Variants in COL23A1 observed in about 807,000 individuals in gnomAD.
The protein encoded by COL23A1 is collagen type XXIII alpha 1 chain.
A neutral mutation model predicts 99.3 loss-of-function variants in COL23A1; 97 were observed. That is an observed-to-expected ratio of 0.98 (90% confidence interval 0.83 to 1.16). COL23A1 has a LOEUF of 1.16. COL23A1 is among the 50% of genes most tolerant of loss of function. The pLI, the probability that COL23A1 is intolerant of heterozygous loss-of-function variation, is 0.00. For missense variants in COL23A1, 762 were observed against 757.4 expected, an observed-to-expected ratio of 1.01 and a Z score of -0.07; for synonymous variants, 320 against 308.2, an observed-to-expected ratio of 1.04 and a Z score of -0.40.
chr5:178,251,109 G>A (rs562252094), intron 17 of COL23A1, among the ~76,000 whole-genome samples: 35 of 143,708 alleles, frequency 2.4e-4, no homozygotes, highest in African/African-American at 8.8e-4. Flanking sequence ...TACAAGCTCC[G>A]CCTGCTGGTT....
intron 15 of COL23A1, 59 bp downstream of exon 15, chr5:178,256,293 TG>T: frequency 7.5e-7 from 1 of 1,329,240 alleles, no homozygotes; most frequent in Non-Finnish European, 1.0e-6. Context: ...CAGGGGCTTC[TG>T]AAGCTATGGG....
chr5:178,506,978 C>A (rs563769634), intron 2 of COL23A1, among the ~76,000 whole-genome samples: 1 of 152,130 alleles, frequency 6.6e-6, no homozygotes, highest in Non-Finnish European at 1.5e-5. Context: ...GATTTTTATT[C>A]GTTTTAGTTT....
Position 178,310,275 on chromosome 5 carries a change from G to C in COL23A1, c.362-3356C>G, listed in dbSNP as rs72819098. On this transcript the variant is annotated intron_variant, in intron 2 of 28. Coordinates refer to ENST00000390654, the MANE Select transcript of COL23A1 (RefSeq NM_173465.4). This position sits in a 1 kb window ranked among gnomAD's most constrained non-coding sequence, Gnocchi z 4.3. The stretch of plus-strand genomic sequence containing the variant: ...ACTGGATTGCAGGAGCCGCAGGAGT[G>C]GGGGCAGGACGGACGGCCTCTCCTG... 0.044 allele frequency among the ~76,000 whole-genome samples: 6,753 copies of C among 152,276 alleles called. 209 individuals are homozygous for C. The highest frequency in any genetic ancestry group is 0.09 in the African/African-American group (3,726 of 41,550).
In COL23A1 at chr5:178,281,552, C is replaced by T. The variant is rs886543937; in HGVS notation, c.441+6772G>A. 1.3e-5 allele frequency among the ~76,000 whole-genome samples: 2 copies of T among 152,066 alleles called. No individual in the cohort carries two copies. The highest frequency in any genetic ancestry group is 4.8e-5 in the African/African-American group (2 of 41,426). On this transcript the variant is annotated intron_variant, in intron 5 of 28. Coordinates refer to ENST00000390654, the MANE Select transcript of COL23A1 (RefSeq NM_173465.4). The surrounding 1 kb of genome is among the most constrained non-coding windows in gnomAD (Gnocchi z 4.0). Reference sequence around the variant, plus strand: ...CGGCGCTCCGGGGCCCAGGAGGTGCCGTGCGTGTGGTTTTGGGTGTGCTCA... The same window carrying T: ...CGGCGCTCCGGGGCCCAGGAGGTGCTGTGCGTGTGGTTTTGGGTGTGCTCA...
Position 178,463,968 on chromosome 5 carries a change from C to A in COL23A1, c.361+96714G>T, listed in dbSNP as rs140642131. On this transcript the variant is annotated intron_variant, in intron 2 of 28. Transcript: ENST00000390654. ...TGTGGGCCTCCCGGCCGGGCGTGAG[C>A]ACAACCACAGGCTCATGGGGAGAAA... Among the ~76,000 whole-genome samples, 627 of 152,326 alleles carry A rather than the reference C, an allele frequency of 4.1e-3. 4 individuals carry two copies. The highest frequency in any genetic ancestry group is 0.015 in the African/African-American group (608 of 41,572).
At chr5:178,449,758 G>A (rs931177695) in intron 2 of COL23A1, among the ~76,000 whole-genome samples, 1 of 151,834 alleles carries the variant, frequency 6.6e-6, no homozygotes, top group Non-Finnish European at 1.5e-5. Context: ...GTATGTTTCT[G>A]AGAAAATTAT....
chr5:178,462,330 A>C lies in COL23A1; in HGVS notation c.361+98352T>G, dbSNP rs1341078380. Among the ~76,000 whole-genome samples, 5 of 152,320 alleles carry C rather than the reference A, an allele frequency of 3.3e-5. No homozygotes were observed. In the East Asian group the frequency reaches 7.7e-4, roughly 23 times the overall value. ...CTCTGGTCAGTAATGAAAATTCAAC[A>C]TTCTTCTGTCACTGATGTAACTTAT... On this transcript the variant is annotated intron_variant, in intron 2 of 28. Transcript: ENST00000390654.
intron 1 of COL23A1, among the ~76,000 whole-genome samples, chr5:178,572,322 T>C (rs262066): frequency 0.56 from 85,133 of 151,754 alleles, 27,696 homozygotes; most frequent in African/African-American, 0.88. Context: ...AGTCACCAAA[T>C]GAGGAGTGAG....
At chr5:178,413,474 A>G (rs529937587) in intron 2 of COL23A1, among the ~76,000 whole-genome samples, 10 of 152,324 alleles carry the variant, frequency 6.6e-5, no homozygotes, top group African/African-American at 2.4e-4. Flanking sequence ...CATATGTTCA[A>G]TTATCCTCAA....
chr5:178,329,447 T>C (rs1194337652), intron 2 of COL23A1, among the ~76,000 whole-genome samples: 4 of 152,076 alleles, frequency 2.6e-5, no homozygotes, highest in Admixed American at 1.3e-4. Flanking sequence ...AGGAGGCAGA[T>C]AGTCCACAGA....
At chr5:178,529,084 G>A (rs1420027057) in intron 2 of COL23A1, among the ~76,000 whole-genome samples, 4 of 152,230 alleles carry the variant, frequency 2.6e-5, no homozygotes, top group Non-Finnish European at 4.4e-5. Context: ...CCTCGCGGCT[G>A]TTCTCCTTAG....
intron 2 of COL23A1, among the ~76,000 whole-genome samples, chr5:178,311,075 C>T (rs1016301246): frequency 2.0e-5 from 3 of 152,038 alleles, no homozygotes; most frequent in South Asian, 4.1e-4. Context: ...CACTGTCCCC[C>T]ACTCTGCATG....
chr5:178,409,897 AAAAT>A (rs1318092780), intron 2 of COL23A1, among the ~76,000 whole-genome samples: 1 of 152,248 alleles, frequency 6.6e-6, no homozygotes, highest in African/African-American at 2.4e-5. Context: ...ATGTAAATAT[AAAAT>A]AAATAAAATT....
At chr5:178,256,129 G>A (rs899388473) in intron 15 of COL23A1, among the ~76,000 whole-genome samples, 2 of 152,192 alleles carry the variant, frequency 1.3e-5, no homozygotes, top group Non-Finnish European at 2.9e-5. Flanking sequence ...ATAATAGCAG[G>A]TCAGGACTCT....
chr5:178,358,316 A>ATG (rs775565127), intron 2 of COL23A1, among the ~76,000 whole-genome samples: 3 of 131,524 alleles, frequency 2.3e-5, no homozygotes, highest in South Asian at 4.7e-4. Flanking sequence ...ATGTGTGTGT[A>ATG]TGTGTATGTG....
rs34569306 is a variant in COL23A1, at chr5:178,523,143, A to AATATAT, written c.361+37533_361+37538dup. ...TGATGAAACTCTGTCTCTATTTAAA[A>AATATAT]ATATATATATATATATATACATATA... On this transcript the variant is annotated intron_variant, in intron 2 of 28. Coordinates refer to ENST00000390654, the MANE Select transcript of COL23A1 (RefSeq NM_173465.4). Among the ~76,000 whole-genome samples the AATATAT allele has an allele frequency of 1.3e-3, 140 of 106,172 alleles. 1 individual carries two copies. Among genetic ancestry groups the AATATAT allele is most frequent in the African/African-American group, 4.0e-3 (126 of 31,728 alleles). 69.7% of individuals were successfully genotyped at this position (106,172 alleles called of 152,430 possible).
chr5:178,398,973 G>A (rs559232423), intron 2 of COL23A1, among the ~76,000 whole-genome samples: 82 of 152,344 alleles, frequency 5.4e-4, no homozygotes, highest in Non-Finnish European at 9.0e-4. Flanking sequence ...TGCATTCTGC[G>A]TCACTCCGGG....
chr5:178,360,653 T>G (rs1762127737), intron 2 of COL23A1, among the ~76,000 whole-genome samples: 2 of 152,206 alleles, frequency 1.3e-5, no homozygotes, highest in African/African-American at 4.8e-5. Flanking sequence ...CCTCCCTATT[T>G]GGGTCATGAA....
chr5:178,315,320 C>T (rs922248435), intron 2 of COL23A1, among the ~76,000 whole-genome samples: 2 of 152,104 alleles, frequency 1.3e-5, no homozygotes, highest in Non-Finnish European at 2.9e-5. Context: ...GCCCGGTGGG[C>T]TGGGGATGGT....
Sources: gnomAD v4.1 joint callset for allele counts (sites outside exome capture counted in the v4.1 genomes callset) on GRCh38, gnomAD v4.1.1 for gene constraint, Gnocchi (gnomAD v3.1) non-coding constraint, MANE v1.5 for transcripts, NCBI Gene and HGNC (gene_info 2026-07-23, HGNC 2026-07-21) for gene names.